PLPPR5: variants seen among roughly 807,000 people sequenced by gnomAD.
PLPPR5 encodes the protein phospholipid phosphatase-related protein type 5.
Under a neutral mutation model 33.9 loss-of-function variants are expected in PLPPR5, and 16 were observed. The observed-to-expected ratio is 0.47, with a 90% CI of 0.32 to 0.72. The LOEUF is 0.72. Ranked by LOEUF, PLPPR5 falls within the 30% of genes least tolerant of loss-of-function variation. The pLI, the probability that PLPPR5 is intolerant of heterozygous loss-of-function variation, is 0.03. For missense variants in PLPPR5, 301 were observed against 406.7 expected, an observed-to-expected ratio of 0.74 and a Z score of 2.23; for synonymous variants, 163 against 150.3, an observed-to-expected ratio of 1.08 and a Z score of -0.62.
Position 98,892,934 on chromosome 1 carries a change from T to G in PLPPR5, c.*138A>C, listed in dbSNP as rs1570673600. The G allele has an allele frequency of 1.2e-5, 10 of 842,742 alleles. No homozygotes were observed. The highest frequency in any genetic ancestry group is 1.8e-5 in the African/African-American group (1 of 56,422). The allele number at this position is 842,742 out of a possible 1,614,324, so 52.2% of individuals were successfully genotyped here. A position where few individuals can be genotyped will look rare whatever the true frequency, so the allele number is the denominator to read the frequency against. ...CAGTCTAGTGGGGGAAACAGATAGG[T>G]TGACATTGATTTTAAAATTATAAAA... On this transcript the variant is annotated 3_prime_UTR_variant, in exon 6 of 6. Coordinates refer to ENST00000263177, the MANE Select transcript of PLPPR5 (RefSeq NM_001037317.2).
chr1:98,995,434 C>A (rs1448877999), intron 1 of PLPPR5, among the ~76,000 whole-genome samples: 2 of 152,044 alleles, frequency 1.3e-5, no homozygotes, highest in African/African-American at 4.8e-5. Context: ...TTATAACAAA[C>A]CTGCATATGT....
chr1:98,939,129 A>G (rs930155986), intron 3 of PLPPR5, among the ~76,000 whole-genome samples: 6 of 151,780 alleles, frequency 4.0e-5, no homozygotes, highest in Admixed American at 2.0e-4. Context: ...TTAAAATAAA[A>G]TTAAAAAATT....
intron 1 of PLPPR5, among the ~76,000 whole-genome samples, chr1:98,963,684 G>A (rs1482295494): frequency 6.6e-6 from 1 of 152,134 alleles, no homozygotes; most frequent in East Asian, 1.9e-4. Flanking sequence ...AGTCCCTGCT[G>A]CCCACTTACA....
Position 98,985,968 on chromosome 1 carries a change from C to T in PLPPR5, c.237+18467G>A, listed in dbSNP as rs889411908. Reference sequence around the variant, plus strand: ...TTTTGAGGTGGCATTTCCTGAATTCCTTCAATGGCTAGTTTGTTTAAGGAA... The same window carrying T: ...TTTTGAGGTGGCATTTCCTGAATTCTTTCAATGGCTAGTTTGTTTAAGGAA... On this transcript the variant is annotated intron_variant, in intron 1 of 5. Transcript: ENST00000263177. Among the ~76,000 whole-genome samples, 5 of 151,966 alleles carry T rather than the reference C, an allele frequency of 3.3e-5. No homozygotes were observed. In the East Asian group the frequency reaches 9.7e-4, roughly 29 times the overall value.
At chr1:98,952,963 T>C (rs1650842824) in intron 3 of PLPPR5, 107 bp downstream of exon 3, 3 of 1,333,018 alleles carry the variant, frequency 2.3e-6, no homozygotes, top group Non-Finnish European at 3.1e-6. Context: ...CAGAAAGATA[T>C]GAATGTGCTT....
At chr1:98,941,075 G>T (rs1456439472) in intron 3 of PLPPR5, among the ~76,000 whole-genome samples, 1 of 151,660 alleles carries the variant, frequency 6.6e-6, no homozygotes, top group Non-Finnish European at 1.5e-5. Flanking sequence ...TGAAGGAGTT[G>T]TGGGGTTCAC....
At chr1:99,000,577 C>T (rs532532446) in intron 1 of PLPPR5, among the ~76,000 whole-genome samples, 11 of 152,102 alleles carry the variant, frequency 7.2e-5, no homozygotes, top group Admixed American at 1.3e-4. Context: ...GGGTTGTTCA[C>T]GGAGTGATGT....
At chr1:98,940,106 G>T (rs930811270) in intron 3 of PLPPR5, among the ~76,000 whole-genome samples, 5 of 151,784 alleles carry the variant, frequency 3.3e-5, no homozygotes, top group African/African-American at 1.2e-4. Flanking sequence ...ATGCAGTAAG[G>T]GAGGGGGTTC....
chr1:98,967,155 A>G (rs1334442336), intron 1 of PLPPR5, among the ~76,000 whole-genome samples: 2 of 152,176 alleles, frequency 1.3e-5, no homozygotes, highest in Non-Finnish European at 2.9e-5. Context: ...TAGGTATTGC[A>G]ATAAAAGGAT....
At chr1:98,997,499 T>TGA (rs1652673372) in intron 1 of PLPPR5, among the ~76,000 whole-genome samples, 1 of 152,190 alleles carries the variant, frequency 6.6e-6, no homozygotes, top group African/African-American at 2.4e-5. Context: ...TATTTCAAAG[T>TGA]ACAAAATGAA....
chr1:98,954,437 ATTAT>A (rs1650926333), intron 2 of PLPPR5, among the ~76,000 whole-genome samples: 2 of 152,064 alleles, frequency 1.3e-5, no homozygotes, highest in African/African-American at 2.4e-5. Context: ...ATATTTCTGG[ATTAT>A]TTGTTTCCCA....
chr1:98,941,771 G>A (rs1195936610), intron 3 of PLPPR5, among the ~76,000 whole-genome samples: 1 of 151,470 alleles, frequency 6.6e-6, no homozygotes, highest in Admixed American at 6.6e-5. Context: ...TTATTATAGA[G>A]AGATTTCTAT....
At position 98,979,383 on chromosome 1, in the gene PLPPR5, G is replaced by A. The variant is rs578185724; in HGVS notation, c.238-22642C>T. Among the ~76,000 whole-genome samples, 4 of 152,098 alleles carry A rather than the reference G, an allele frequency of 2.6e-5. No individual in the cohort carries two copies. In the East Asian group the frequency reaches 5.8e-4, roughly 22 times the overall value. On this transcript the variant is annotated intron_variant, in intron 1 of 5. Transcript: ENST00000263177. The stretch of plus-strand genomic sequence containing the variant: ...AGCCTCAGTTTTATCATCTCTAAAT[G>A]ACTGCAATATCCATGCCATTTGATT...
At chr1:98,956,315 G>T (rs1369680457) in intron 2 of PLPPR5, among the ~76,000 whole-genome samples, 1 of 151,956 alleles carries the variant, frequency 6.6e-6, no homozygotes, top group Non-Finnish European at 1.5e-5. Context: ...TTAAAGAGAA[G>T]GTAGTATGTA....
intron 1 of PLPPR5, among the ~76,000 whole-genome samples, chr1:99,001,675 T>TATATATAG (rs1480591479): frequency 5.4e-5 from 3 of 55,958 alleles, no homozygotes; most frequent in Admixed American, 1.9e-4. Flanking sequence ...GTTAAAGATA[T>TATATATAG]ATATATATAT....
Position 98,914,782 on chromosome 1 carries a change from T to C in PLPPR5, c.933+4A>G. ...TATAATTTAGAATTTAAATTGTGAG[T>C]CACCTGTACAGATGTTACCTTTTCC... On this transcript the variant is annotated splice_donor_region_variant and intron_variant, in intron 5 of 5. Coordinates refer to ENST00000263177, the MANE Select transcript of PLPPR5 (RefSeq NM_001037317.2). 1 of 1,598,572 alleles carries C rather than the reference T, an allele frequency of 6.3e-7. No homozygotes were observed. Among genetic ancestry groups the C allele is most frequent in the African/African-American group, 1.3e-5 (1 of 74,150 alleles).
intron 1 of PLPPR5, among the ~76,000 whole-genome samples, chr1:98,971,769 G>T (rs1476841975): frequency 6.6e-6 from 1 of 152,072 alleles, no homozygotes; most frequent in African/African-American, 2.4e-5. Flanking sequence ...GCAATGCCCA[G>T]TGAAATTTTT....
At position 98,907,658 on chromosome 1, in the gene PLPPR5, C is replaced by A. The variant is rs142273892; in HGVS notation, c.933+7128G>T. Among the ~76,000 whole-genome samples, 34 of 152,288 alleles carry A rather than the reference C, an allele frequency of 2.2e-4. No individual in the cohort carries two copies. In the East Asian group the frequency reaches 6.6e-3, roughly 29 times the overall value. ...TTCCTAAAATGAATGGGAAAAGATT[C>A]ATCAGTTATCTCTTAATGATAACCA... is the stretch of plus-strand genomic sequence containing the variant. On this transcript the variant is annotated intron_variant, in intron 5 of 5. Coordinates refer to ENST00000263177, the MANE Select transcript of PLPPR5 (RefSeq NM_001037317.2).
At chr1:99,001,958 G>T (rs1351312571) in intron 1 of PLPPR5, among the ~76,000 whole-genome samples, 1 of 151,876 alleles carries the variant, frequency 6.6e-6, no homozygotes, top group African/African-American at 2.4e-5. Flanking sequence ...CAGAGATAAT[G>T]CAAATATTAG....
Sources: allele counts gnomAD v4.1 joint callset (sites outside exome capture counted in the v4.1 genomes callset), GRCh38; gene constraint gnomAD v4.1.1; transcripts MANE v1.5; gene names NCBI Gene and HGNC (gene_info 2026-07-23, HGNC 2026-07-21).